MARCHF1: variants seen among roughly 807,000 people sequenced by gnomAD.
MARCHF1 encodes E3 ubiquitin-protein ligase MARCHF1.
In MARCHF1, 40 loss-of-function variants were observed where a neutral mutation model predicts 54.2. That is an observed-to-expected ratio of 0.74 (90% CI 0.57 to 0.96). The LOEUF (loss-of-function observed/expected upper bound fraction) is 0.96. Ranked by LOEUF, MARCHF1 falls within the 40% of genes least tolerant of loss-of-function variation. The probability of loss-of-function intolerance (pLI) is 0.00; values close to 1 mark genes in which losing one functional copy is unlikely to be tolerated. For synonymous variants in MARCHF1, 236 were observed against 236.3 expected, an observed-to-expected ratio of 1.00 and a Z score of 0.01; for missense variants, 586 against 656.5, an observed-to-expected ratio of 0.89 and a Z score of 1.17.
At chr4:163,559,764 C>G (rs940036619) in intron 8 of MARCHF1, among the ~76,000 whole-genome samples, 3 of 152,166 alleles carry the variant, frequency 2.0e-5, no homozygotes, top group Non-Finnish European at 4.4e-5. Context: ...AGAGGAGTGT[C>G]CCCTTCCTTG....
At chr4:163,716,516 C>A (rs1745261929) in intron 4 of MARCHF1, among the ~76,000 whole-genome samples, 1 of 152,184 alleles carries the variant, frequency 6.6e-6, no homozygotes, top group African/African-American at 2.4e-5. Context: ...GCTCAACTTA[C>A]AAACAGGTAT....
chr4:164,383,117 C>A (rs1275487649), intron 1 of MARCHF1: 1 of 152,266 alleles, frequency 6.6e-6, no homozygotes, highest in Non-Finnish European at 1.5e-5. Context: ...CGTCTCTCTG[C>A]CTCGACTGGT....
In MARCHF1 at chr4:163,881,033, T is replaced by C. The variant is rs6848134; in HGVS notation, c.-38-26864A>G. Among the ~76,000 whole-genome samples the C allele has an allele frequency of 4.9e-4, 75 of 152,208 alleles. 1 individual carries two copies. In the South Asian group the frequency reaches 0.013, roughly 27 times the overall value. On this transcript the variant is annotated intron_variant, in intron 3 of 9. Transcript: ENST00000514618. ...GAATAGGGATAAAGGTCTGAGGAGA[T>C]TGGTAAACCAGCATCATTACAGATG...
chr4:164,015,747 T>C (rs1333780044), intron 2 of MARCHF1, among the ~76,000 whole-genome samples: 1 of 151,938 alleles, frequency 6.6e-6, no homozygotes, highest in Non-Finnish European at 1.5e-5. Context: ...GAGAAATGCA[T>C]GACAGTGAGA....
intron 5 of MARCHF1, among the ~76,000 whole-genome samples, chr4:163,638,314 G>C (rs575886124): frequency 6.6e-6 from 1 of 151,816 alleles, no homozygotes; most frequent in Non-Finnish European, 1.5e-5. Flanking sequence ...AAAAACGTAT[G>C]GATCATGGGG....
At chr4:163,809,245 G>A (rs555848779) in intron 4 of MARCHF1, among the ~76,000 whole-genome samples, 25 of 152,264 alleles carry the variant, frequency 1.6e-4, no homozygotes, top group African/African-American at 5.8e-4. Context: ...GACCAGCATA[G>A]CTATGGGTTA....
At chr4:163,972,234 A>T (rs963014476) in intron 3 of MARCHF1, among the ~76,000 whole-genome samples, 1 of 152,172 alleles carries the variant, frequency 6.6e-6, no homozygotes, top group Non-Finnish European at 1.5e-5. Context: ...GTATTAGGAG[A>T]AATATCTCAT....
intron 3 of MARCHF1, among the ~76,000 whole-genome samples, chr4:163,961,712 T>G (rs1382786424): frequency 2.6e-5 from 4 of 151,948 alleles, no homozygotes. Context: ...TCTAAAATTT[T>G]ATGTAACTTC....
intron 4 of MARCHF1, among the ~76,000 whole-genome samples, chr4:163,712,107 C>T (rs1360253233): frequency 6.6e-6 from 1 of 152,114 alleles, no homozygotes; most frequent in African/African-American, 2.4e-5. Flanking sequence ...GTTTGTAAAA[C>T]AGACCACACA....
chr4:163,747,558 A>T (rs1746397665), intron 4 of MARCHF1, among the ~76,000 whole-genome samples: 1 of 152,218 alleles, frequency 6.6e-6, no homozygotes, highest in Non-Finnish European at 1.5e-5. Context: ...ATGTTTAATA[A>T]CATAAATGAC....
intron 8 of MARCHF1, among the ~76,000 whole-genome samples, chr4:163,547,129 T>C (rs554508547): frequency 2.1e-3 from 320 of 152,266 alleles, no homozygotes; most frequent in Non-Finnish European, 3.5e-3. Flanking sequence ...AAAAACAAGA[T>C]GGCGTACATT....
chr4:164,006,469 C>A (rs993231809), intron 2 of MARCHF1, among the ~76,000 whole-genome samples: 3 of 152,042 alleles, frequency 2.0e-5, no homozygotes, highest in Admixed American at 1.3e-4. Flanking sequence ...AAACCACCTA[C>A]AAGATATAGA....
At chr4:164,368,226 A>G (rs754214365) in intron 1 of MARCHF1, among the ~76,000 whole-genome samples, 1 of 151,412 alleles carries the variant, frequency 6.6e-6, no homozygotes, top group Non-Finnish European at 1.5e-5. Context: ...AATAAAAATA[A>G]TATCATATAA....
intron 2 of MARCHF1, among the ~76,000 whole-genome samples, chr4:164,014,511 C>G (rs1753495488): frequency 6.6e-6 from 1 of 151,948 alleles, no homozygotes; most frequent in African/African-American, 2.4e-5. Context: ...AACCACAAAA[C>G]AGATAACAGA....
chr4:164,115,433 TCAGAA>T (rs2110747975), intron 1 of MARCHF1, among the ~76,000 whole-genome samples: 1 of 152,190 alleles, frequency 6.6e-6, no homozygotes, highest in East Asian at 1.9e-4. Flanking sequence ...GCAAATGTGT[TCAGAA>T]GATCATCCAA....
At chr4:164,235,166 G>A (rs915179949) in intron 1 of MARCHF1, among the ~76,000 whole-genome samples, 4 of 151,908 alleles carry the variant, frequency 2.6e-5, no homozygotes, top group Admixed American at 1.3e-4. Context: ...AACTTTTCAA[G>A]AAAACATTCT....
intron 4 of MARCHF1, among the ~76,000 whole-genome samples, chr4:163,726,977 A>G (rs747898545): frequency 2.0e-5 from 3 of 152,080 alleles, no homozygotes; most frequent in Non-Finnish European, 4.4e-5. Context: ...GTCCTTTACT[A>G]CTAGTTATTT....
In MARCHF1 at chr4:164,181,700, C is replaced by G. The variant is rs190143109; in HGVS notation, c.-322-70038G>C. ...TACGATGAAATAGATGTGATAAGCG[C>G]TGCTTAGAACTTGACAATATAGTCC... On this transcript the variant is annotated intron_variant, in intron 1 of 9. Transcript: ENST00000514618. Among the ~76,000 whole-genome samples the G allele has an allele frequency of 2.0e-5, 3 of 152,248 alleles. No homozygotes were observed. The East Asian group carries it at 5.8e-4, about 29-fold the overall frequency.
intron 1 of MARCHF1, among the ~76,000 whole-genome samples, chr4:164,177,361 T>G (rs1730716694): frequency 6.6e-6 from 1 of 152,032 alleles, no homozygotes; most frequent in South Asian, 2.1e-4. Context: ...AATCACACAA[T>G]AAATAAGGGA....
Sources: gnomAD v4.1 joint callset for allele counts (sites outside exome capture counted in the v4.1 genomes callset) on GRCh38, gnomAD v4.1.1 for gene constraint, MANE v1.5 for transcripts, NCBI Gene and HGNC (gene_info 2026-07-23, HGNC 2026-07-21) for gene names.